TWSG1: variants seen among roughly 807,000 people sequenced by gnomAD.
TWSG1 encodes the protein twisted gastrulation BMP signaling modulator 1, also known as twisted gastrulation protein homolog 1.
TWSG1 carries 15 observed loss-of-function variants against 23.0 expected under a neutral mutation model. The observed-to-expected ratio is 0.65, with a 90% CI of 0.44 to 1.00. TWSG1 has a LOEUF of 1.00. Ranked by LOEUF, TWSG1 falls within the 50% of genes least tolerant of loss-of-function variation. TWSG1 has a pLI of 0.00. For synonymous variants in TWSG1, 86 were observed against 92.8 expected (o/e 0.93, Z 0.42); for missense variants, 242 against 278.7 (o/e 0.87, Z 0.94).
Position 9,402,219 on chromosome 18 carries a change from T to C in TWSG1, c.*2692T>C, listed in dbSNP as rs1449756737. On this transcript the variant is annotated 3_prime_UTR_variant, in exon 5 of 5. Transcript: ENST00000262120. ...AGCATTAAAATGGAGAAAAGAAAGT[T>C]TTCTGAAAAAATGCAGTAAATATAA... The C allele has an allele frequency of 6.6e-6, 1 of 152,264 alleles. No homozygotes were observed. The highest frequency in any genetic ancestry group is 1.9e-4 in the East Asian group (1 of 5,192). The allele number at this position is 152,264 out of a possible 1,614,324, so 9.4% of individuals were successfully genotyped here. A position where few individuals can be genotyped will look rare whatever the true frequency, so the allele number is the denominator to read the frequency against.
intron 2 of TWSG1, among the ~76,000 whole-genome samples, chr18:9,352,225 C>T (rs1367086386): frequency 6.6e-6 from 1 of 152,060 alleles, no homozygotes; most frequent in Non-Finnish European, 1.5e-5. Flanking sequence ...CAGTATAATG[C>T]TTTGAGATTC....
intron 3 of TWSG1, among the ~76,000 whole-genome samples, chr18:9,377,221 CTTTTTTT>C (rs1404136777): frequency 1.4e-5 from 2 of 145,244 alleles, no homozygotes; most frequent in African/African-American, 2.5e-5. Flanking sequence ...TTTTCTTTTT[CTTTTTTT>C]TTTTTGGGGG....
intron 2 of TWSG1, among the ~76,000 whole-genome samples, chr18:9,358,061 A>G (rs929110822): frequency 6.6e-6 from 1 of 152,214 alleles, no homozygotes; most frequent in African/African-American, 2.4e-5. Context: ...TGATATGAAT[A>G]TATCAATGAA....
chr18:9,358,631 T>C (rs1284754010), intron 2 of TWSG1, among the ~76,000 whole-genome samples: 1 of 152,098 alleles, frequency 6.6e-6, no homozygotes, highest in East Asian at 1.9e-4. Flanking sequence ...GAATCAGGCT[T>C]CAGTTCCACA....
intron 3 of TWSG1, among the ~76,000 whole-genome samples, chr18:9,366,053 T>C (rs898414515): frequency 5.9e-5 from 9 of 152,190 alleles, no homozygotes; most frequent in African/African-American, 1.9e-4. Flanking sequence ...AAATAAAACA[T>C]GGCAAGCATG....
chr18:9,355,177 C>T (rs1277025834), intron 2 of TWSG1, among the ~76,000 whole-genome samples: 5 of 152,242 alleles, frequency 3.3e-5, no homozygotes, highest in East Asian at 1.9e-4. Context: ...GGGATGGTCT[C>T]GATCTCCTGA....
In TWSG1 at chr18:9,334,775, G is replaced by A. The variant is rs1194896326; in HGVS notation, c.-183G>A. 6.6e-6 allele frequency: 1 copy of A among 152,338 alleles called. No homozygotes were observed. The highest frequency in any genetic ancestry group is 1.5e-5 in the Non-Finnish European group (1 of 68,216). 9.4% of individuals were successfully genotyped at this position (152,338 alleles called of 1,614,324 possible). ...GCGGCGGGCGGGCCTGTCTCTTTAA[G>A]GTGCCCGAGGCTCGCGGGCGCTGCG... On this transcript the variant is annotated 5_prime_UTR_variant, in exon 1 of 5. Coordinates refer to ENST00000262120, the MANE Select transcript of TWSG1 (RefSeq NM_020648.6). This position sits in a 1 kb window ranked among gnomAD's most constrained non-coding sequence, Gnocchi z 4.7.
chr18:9,351,053 A>T (rs928607863), intron 2 of TWSG1, among the ~76,000 whole-genome samples: 1 of 152,220 alleles, frequency 6.6e-6, no homozygotes, highest in Admixed American at 6.5e-5. Context: ...ACTTAATTAG[A>T]TTTATTCCTA....
intron 2 of TWSG1, among the ~76,000 whole-genome samples, chr18:9,352,995 C>G (rs1166849493): frequency 6.6e-6 from 1 of 152,172 alleles, no homozygotes; most frequent in Non-Finnish European, 1.5e-5. Context: ...GATTATAATA[C>G]TGTATTTTTA....
At chr18:9,366,766 A>T (rs899797669) in intron 3 of TWSG1, among the ~76,000 whole-genome samples, 2 of 152,164 alleles carry the variant, frequency 1.3e-5, no homozygotes, top group African/African-American at 4.8e-5. Context: ...TATGCAAATT[A>T]TTTAGATACA....
At chr18:9,351,000 A>G (rs2040499461) in intron 2 of TWSG1, among the ~76,000 whole-genome samples, 1 of 152,104 alleles carries the variant, frequency 6.6e-6, no homozygotes, top group Non-Finnish European at 1.5e-5. Context: ...GTATAATATA[A>G]TGCTTCATTG....
chr18:9,360,133 G>T, intron 3 of TWSG1, 62 bp downstream of exon 3: 1 of 1,327,016 alleles, frequency 7.5e-7, no homozygotes, highest in South Asian at 1.2e-5. Context: ...GGCTTTAAGA[G>T]ACTTTAAGGA....
At chr18:9,353,645 C>A (rs896638333) in intron 2 of TWSG1, among the ~76,000 whole-genome samples, 7 of 152,180 alleles carry the variant, frequency 4.6e-5, no homozygotes, top group Non-Finnish European at 1.0e-4. Context: ...TTCCATATTA[C>A]CTTGCCTCTA....
rs185519586 is a variant in TWSG1 at position 9,349,151 on chromosome 18, A to T, written c.124-10821A>T. 2.2e-3 allele frequency among the ~76,000 whole-genome samples: 337 copies of T among 152,314 alleles called. 2 individuals are homozygous for T. The highest frequency in any genetic ancestry group is 3.5e-3 in the Non-Finnish European group (237 of 68,034). ...TTAGTTATCCTGTTTCAGGAAAAAA[A>T]AAATTTGGTAATATGGGATTTTCCT... is the stretch of plus-strand genomic sequence containing the variant. On this transcript the variant is annotated intron_variant, in intron 2 of 4. Coordinates refer to ENST00000262120, the MANE Select transcript of TWSG1 (RefSeq NM_020648.6).
At chr18:9,379,734 AAAAG>A (rs2040647822) in intron 3 of TWSG1, among the ~76,000 whole-genome samples, 1 of 152,258 alleles carries the variant, frequency 6.6e-6, no homozygotes, top group South Asian at 2.1e-4. Context: ...AATTCCATAT[AAAAG>A]AAATATGTCT....
chr18:9,380,544 G>T (rs1368202480), intron 3 of TWSG1, among the ~76,000 whole-genome samples: 3 of 152,208 alleles, frequency 2.0e-5, no homozygotes, highest in African/African-American at 7.2e-5. Flanking sequence ...TAGTAATGAT[G>T]TTGGCTTTAA....
intron 3 of TWSG1, among the ~76,000 whole-genome samples, chr18:9,391,017 A>G (rs1415806840): frequency 1.3e-5 from 2 of 152,192 alleles, no homozygotes; most frequent in African/African-American, 4.8e-5. Context: ...CTCTCTCAAT[A>G]AATAAAAATA....
intron 3 of TWSG1, among the ~76,000 whole-genome samples, chr18:9,368,903 A>T (rs1049461236): frequency 6.6e-6 from 1 of 151,850 alleles, no homozygotes; most frequent in Non-Finnish European, 1.5e-5. Context: ...AGCCGAGATC[A>T]TGCAACTGCA....
At chr18:9,353,260 C>T (rs767779879) in intron 2 of TWSG1, among the ~76,000 whole-genome samples, 2 of 152,018 alleles carry the variant, frequency 1.3e-5, no homozygotes, top group Admixed American at 6.6e-5. Context: ...AGCGATAAAG[C>T]GTGACTGTAT....
Sources: allele counts gnomAD v4.1 joint callset (sites outside exome capture counted in the v4.1 genomes callset), GRCh38; gene constraint gnomAD v4.1.1; non-coding constraint Gnocchi (gnomAD v3.1); transcripts MANE v1.5; gene names NCBI Gene and HGNC (gene_info 2026-07-23, HGNC 2026-07-21).